The following JAK1 variants were observed in gnomAD, a reference collection of about 807,000 sequenced individuals.
JAK1 encodes the protein tyrosine-protein kinase JAK1.
A neutral mutation model predicts 136.6 loss-of-function variants in JAK1; 16 were observed. The observed-to-expected ratio is 0.12, with a 90% CI of 0.08 to 0.18. The LOEUF is 0.18. Ranked by LOEUF, JAK1 falls within the 10% of genes least tolerant of loss-of-function variation. The probability of loss-of-function intolerance (pLI) is 1.00; values close to 1 mark genes in which losing one functional copy is unlikely to be tolerated. For missense variants in JAK1, 859 were observed against 1,450.1 expected (o/e 0.59, Z 6.62); for synonymous variants, 492 against 519.5 (o/e 0.95, Z 0.72).
At chr1:65,050,636 T>A (rs781190539) in intron 1 of JAK1, among the ~76,000 whole-genome samples, 1 of 152,122 alleles carries the variant, frequency 6.6e-6, no homozygotes, top group Non-Finnish European at 1.5e-5. Context: ...GATGGCATGA[T>A]CAAACTTTCA....
intron 1 of JAK1, among the ~76,000 whole-genome samples, chr1:64,906,389 C>G (rs999587497): frequency 6.6e-6 from 1 of 151,960 alleles, no homozygotes; most frequent in Non-Finnish European, 1.5e-5. Flanking sequence ...TAAAAAGCAA[C>G]CTGGAATTCC....
At chr1:64,926,118 C>T (rs928763119) in intron 1 of JAK1, among the ~76,000 whole-genome samples, 2 of 152,176 alleles carry the variant, frequency 1.3e-5, no homozygotes, top group South Asian at 2.1e-4. Context: ...CAGGACCACA[C>T]ATTCCCTGAT....
At chr1:64,989,650 T>C (rs1646636835) in intron 2 of JAK1, 1 of 152,152 alleles carries the variant, frequency 6.6e-6, no homozygotes, top group African/African-American at 2.4e-5. Context: ...TGAATCATCA[T>C]AAGGTAGAAG....
At chr1:65,009,226 T>C (rs1027657678) in intron 2 of JAK1, among the ~76,000 whole-genome samples, 1 of 152,160 alleles carries the variant, frequency 6.6e-6, no homozygotes, top group Non-Finnish European at 1.5e-5. Flanking sequence ...GATCTGTTAA[T>C]TACAGAAAAA....
chr1:65,067,559 GCGCGCCCCGCCGCCCC>G (rs1648128087), intron 1 of JAK1: 1 of 144,632 alleles, frequency 6.9e-6, no homozygotes, highest in Non-Finnish European at 1.5e-5. Context: ...GCTCGGCCCC[GCGCGCCCCGCCGCCCC>G]CGCGCCCGGC....
intron 2 of JAK1, chr1:64,993,198 A>G (rs1557748069): frequency 6.6e-6 from 1 of 152,248 alleles, no homozygotes; most frequent in Non-Finnish European, 1.5e-5. Flanking sequence ...ACAATGTTGC[A>G]TACATGTTTT....
At chr1:64,890,516 G>A (rs1473967361) in intron 1 of JAK1, among the ~76,000 whole-genome samples, 1 of 152,170 alleles carries the variant, frequency 6.6e-6, no homozygotes, top group African/African-American at 2.4e-5. Flanking sequence ...TTGGTACAAG[G>A]ATTAAAAATA....
intron 2 of JAK1, among the ~76,000 whole-genome samples, chr1:65,022,764 G>A (rs958004626): frequency 6.6e-6 from 1 of 152,168 alleles, no homozygotes; most frequent in Non-Finnish European, 1.5e-5. Context: ...TTAGTGTCAT[G>A]CTAAAATATT....
At chr1:64,860,793 T>A (rs1656256808) in intron 8 of JAK1, among the ~76,000 whole-genome samples, 1 of 151,868 alleles carries the variant, frequency 6.6e-6, no homozygotes, top group African/African-American at 2.4e-5. Context: ...TCAACACATT[T>A]TCCCATCTAT....
In JAK1 at chr1:64,841,545, C is replaced by G; in HGVS notation, c.2460G>C (p.Leu820=). 6.2e-7 allele frequency: 1 copy of G among 1,614,166 alleles called. No homozygotes were observed. The highest frequency in any genetic ancestry group is 8.5e-7 in the Non-Finnish European group (1 of 1,180,038). ...CRPVTPSCKE[L]ADLMTRCMNY... ...TCATGCAGCGGGTCATGAGGTCAGC[C>G]AGCTCCTTACATGATGGTGTCACTG... Residue 820 remains leucine, a synonymous_variant, in exon 18 of 25, where the codon CTG becomes CTC. Transcript: ENST00000342505.
At chr1:64,892,390 C>T (rs1644951718) in intron 1 of JAK1, among the ~76,000 whole-genome samples, 1 of 152,110 alleles carries the variant, frequency 6.6e-6, no homozygotes, top group Admixed American at 6.5e-5. Context: ...AAGTGAACCT[C>T]CTGCCTCAGC....
rs117845051 is a variant in JAK1 at position 64,890,801 on chromosome 1, A to G, written c.-77-4460T>C. ...AAGTCTAAATAGGGATTCTGAGCAA[A>G]AGCCTAGATACAAATCAAAACCCCA... On this transcript the variant is annotated intron_variant, in intron 1 of 24. Transcript: ENST00000342505. 5.1e-3 allele frequency among the ~76,000 whole-genome samples: 774 copies of G among 152,298 alleles called. 22 individuals carry two copies. Among genetic ancestry groups the G allele is most frequent in the East Asian group, 0.024 (124 of 5,184 alleles).
chr1:65,052,800 C>T (rs1414518283), intron 1 of JAK1, among the ~76,000 whole-genome samples: 2 of 139,942 alleles, frequency 1.4e-5, no homozygotes, highest in South Asian at 4.5e-4. Flanking sequence ...GGCGACACTC[C>T]AGCCTGGGCA....
At position 64,878,561 on chromosome 1, in the gene JAK1, GTATATATATATATATATATATATA is replaced by G. The variant is rs56881589; in HGVS notation, c.329+440_329+463del. Among the ~76,000 whole-genome samples, 126 of 119,984 alleles carry G rather than the reference GTATATATATATATATATATATATA, an allele frequency of 1.1e-3. 2 individuals carry two copies. Among genetic ancestry groups the G allele is most frequent in the African/African-American group, 3.3e-3 (111 of 33,448 alleles). The allele number at this position is 119,984 out of a possible 152,430, so 78.7% of individuals were successfully genotyped here. A position where few individuals can be genotyped will look rare whatever the true frequency, so the allele number is the denominator to read the frequency against. On this transcript the variant is annotated intron_variant, in intron 4 of 24. Transcript: ENST00000342505. The stretch of plus-strand genomic sequence containing the variant: ...ATCATGACCTTTATATATATAGTGT[GTATATATATATATATATATATATA>G]TATATATATATATATATATATCTCA...
intron 2 of JAK1, among the ~76,000 whole-genome samples, chr1:65,018,724 A>G (rs1190540184): frequency 3.3e-5 from 5 of 152,194 alleles, no homozygotes; most frequent in Non-Finnish European, 7.4e-5. Flanking sequence ...GAAAAAAATA[A>G]TAAAGGCCGG....
At chr1:64,920,993 C>T (rs922707456) in intron 1 of JAK1, among the ~76,000 whole-genome samples, 1 of 152,140 alleles carries the variant, frequency 6.6e-6, no homozygotes. Flanking sequence ...AAATGCTATG[C>T]TTTAAGACAG....
chr1:64,868,033 A>T (rs953117740), intron 6 of JAK1, among the ~76,000 whole-genome samples: 3 of 151,874 alleles, frequency 2.0e-5, no homozygotes, highest in South Asian at 2.1e-4. Context: ...AGAGAGTGAG[A>T]GAGAGAGAGA....
intron 1 of JAK1, among the ~76,000 whole-genome samples, chr1:65,050,860 G>A (rs1647264829): frequency 1.3e-5 from 2 of 152,132 alleles, no homozygotes; most frequent in Non-Finnish European, 2.9e-5. Context: ...TAGCTGTGTG[G>A]CTTAGGGACC....
In JAK1 at chr1:64,961,714, AAAGG is replaced by A. The variant is rs200900061; in HGVS notation, c.-78+4615_-78+4618del. ...CTAGACTTCCTTCCCACCCTAAAAC[AAAGG>A]AACTCCTACTCACTCCTGAAGGCCC... On this transcript the variant is annotated intron_variant, in intron 1 of 24. Transcript: ENST00000342505. Among the ~76,000 whole-genome samples the A allele has an allele frequency of 9.5e-3, 1,444 of 152,148 alleles. 37 individuals are homozygous for A. Among genetic ancestry groups the A allele is most frequent in the East Asian group, 0.088 (454 of 5,174 alleles).
Sources: gnomAD v4.1 joint callset for allele counts (sites outside exome capture counted in the v4.1 genomes callset) on GRCh38, gnomAD v4.1.1 for gene constraint, MANE v1.5 for transcripts, NCBI Gene and HGNC (gene_info 2026-07-23, HGNC 2026-07-21) for gene names.